Variants in MLYCD observed in about 807,000 individuals in gnomAD.
MLYCD encodes malonyl-CoA decarboxylase, also known as malonyl-CoA decarboxylase, mitochondrial.
In MLYCD, 27 loss-of-function variants were observed where a neutral mutation model predicts 35.8. That is an observed-to-expected ratio of 0.75 (90% confidence interval 0.56 to 1.04). The LOEUF is 1.04. Ranked by LOEUF, MLYCD falls within the 50% of genes least tolerant of loss-of-function variation. The probability of loss-of-function intolerance (pLI) is 0.00; values close to 1 mark genes in which losing one functional copy is unlikely to be tolerated. For synonymous variants in MLYCD, 403 were observed against 302.4 expected, an observed-to-expected ratio of 1.33 and a Z score of -3.45; for missense variants, 917 against 665.1, an observed-to-expected ratio of 1.38 and a Z score of -4.17.
chr16:83,906,172 T>G (rs1477424952), intron 1 of MLYCD, among the ~76,000 whole-genome samples: 1 of 152,114 alleles, frequency 6.6e-6, no homozygotes, highest in African/African-American at 2.4e-5. Context: ...AGATTGCCTG[T>G]GCTCAGGAGC....
At chr16:83,905,676 C>G (rs1252750014) in intron 1 of MLYCD, among the ~76,000 whole-genome samples, 4 of 152,240 alleles carry the variant, frequency 2.6e-5, no homozygotes, top group Admixed American at 2.6e-4. Context: ...GCTGTCTTTT[C>G]AAGTTCCCCA....
At chr16:83,904,437 T>C (rs1002042320) in intron 1 of MLYCD, among the ~76,000 whole-genome samples, 4 of 152,204 alleles carry the variant, frequency 2.6e-5, no homozygotes, top group Admixed American at 6.5e-5. Flanking sequence ...AGAATTGCTA[T>C]AGTCAAATGC....
At position 83,912,359 on chromosome 16, in the gene MLYCD, G is replaced by A. The variant is rs1421045311; in HGVS notation, c.940G>A (p.Glu314Lys). 2 of 1,614,052 alleles carry A rather than the reference G, an allele frequency of 1.2e-6. No individual in the cohort carries two copies. Among genetic ancestry groups the A allele is most frequent in the East Asian group, 2.2e-5 (1 of 44,886 alleles). ...GTFLIKRVVK[E>K]LQREFPHLGV... ...ATTCCTCATAAAGCGAGTCGTCAAG[G>A]AGTTGCAGGTAAGCGACACGCAGGG... The change falls in exon 4 of 5, where the codon GAG (glutamate) becomes AAG (lysine). Residue 314 changes from glutamate (E) to lysine (K), a missense_variant. By Grantham distance (56) the Glu-to-Lys change is moderately conservative. Coordinates refer to ENST00000262430, the MANE Select transcript of MLYCD (RefSeq NM_012213.3).
intron 1 of MLYCD, among the ~76,000 whole-genome samples, chr16:83,905,269 G>A (rs1313401939): frequency 6.6e-6 from 1 of 152,012 alleles, no homozygotes; most frequent in African/African-American, 2.4e-5. Context: ...ATTCTTATAG[G>A]TGTTGCCCAT....
chr16:83,900,283 G>T (rs1293275930), intron 1 of MLYCD, among the ~76,000 whole-genome samples: 2 of 152,092 alleles, frequency 1.3e-5, no homozygotes, highest in Admixed American at 6.5e-5. Context: ...GTTGACTTGA[G>T]GTAATCAGGC....
intron 3 of MLYCD, among the ~76,000 whole-genome samples, chr16:83,910,228 C>T (rs1275884801): frequency 2.7e-5 from 4 of 147,184 alleles, no homozygotes; most frequent in East Asian, 4.0e-4. Flanking sequence ...TTTTTTGCCT[C>T]TTTTTGTTTT....
intron 3 of MLYCD, among the ~76,000 whole-genome samples, chr16:83,909,163 C>G (rs1263669587): frequency 6.6e-6 from 1 of 152,178 alleles, no homozygotes. Flanking sequence ...TCTGACTTCT[C>G]TGAGGGCAAT....
chr16:83,915,016 TGGCTTCTGG>T lies in MLYCD; in HGVS notation c.1018_1026del (p.Gly340_Leu342del), dbSNP rs1287986283. On this transcript the variant is annotated inframe_deletion, in exon 5 of 5. Transcript: ENST00000262430. ...GTCACCTATACCTGGTTTCACCAAA[TGGCTTCTGG>T]GGCTTCTGAACTCGCAAACGAAGGA... 1 of 1,614,118 alleles carries T rather than the reference TGGCTTCTGG, an allele frequency of 6.2e-7. No individual in the cohort carries two copies. The highest frequency in any genetic ancestry group is 1.7e-5 in the Admixed American group (1 of 60,010).
intron 4 of MLYCD, 113 bp from the exon 5 acceptor site, chr16:83,914,843 C>A: frequency 2.1e-6 from 3 of 1,445,890 alleles, no homozygotes; most frequent in Non-Finnish European, 2.9e-6. Flanking sequence ...GTCACTCTGA[C>A]CGCTACACAG....
rs1309852448 is a variant in MLYCD, at chr16:83,899,254, A to G, written c.110A>G (p.Glu37Gly). ...LASGQAAGAL[E>G]RAMDELLRRA... ...AGCGGGCAGGCGGCCGGCGCCCTGG[A>G]GCGGGCCATGGACGAGCTGCTGCGC... Residue 37 changes from glutamate to glycine, a missense_variant, in exon 1 of 5, where the codon GAG (glutamate) becomes GGG (glycine). Glu to Gly is a moderately conservative substitution (Grantham distance 98). Transcript: ENST00000262430. 7 of 1,332,442 alleles carry G rather than the reference A, an allele frequency of 5.3e-6. No homozygotes were observed. Among genetic ancestry groups the G allele is most frequent in the African/African-American group, 1.5e-5 (1 of 65,206 alleles). The allele number at this position is 1,332,442 out of a possible 1,614,324, so 82.5% of individuals were successfully genotyped here.
chr16:83,926,037 T>C lies in MLYCD; in HGVS notation c.*10548T>C, dbSNP rs1251719874. On this transcript the variant is annotated 3_prime_UTR_variant, in exon 5 of 5. Coordinates refer to ENST00000262430, the MANE Select transcript of MLYCD (RefSeq NM_012213.3). ...GCAAGATCATCAGGGCCCCCTCCAATGTGACACTTGCAGAGGGGACCCCTG... is the reference window on the plus strand; with the variant it reads ...GCAAGATCATCAGGGCCCCCTCCAACGTGACACTTGCAGAGGGGACCCCTG... The C allele has an allele frequency of 1.3e-5, 2 of 152,280 alleles. No homozygotes were observed. The highest frequency in any genetic ancestry group is 2.4e-5 in the African/African-American group (1 of 41,462). The allele number at this position is 152,280 out of a possible 1,614,324, so 9.4% of individuals were successfully genotyped here. A position where few individuals can be genotyped will look rare whatever the true frequency, so the allele number is the denominator to read the frequency against.
Position 83,916,982 on chromosome 16 carries a change from GCC to G in MLYCD, c.*1494_*1495del, listed in dbSNP as rs1907428301. The G allele has an allele frequency of 1.6e-5, 2 of 124,548 alleles. No individual in the cohort carries two copies. The highest frequency in any genetic ancestry group is 8.5e-5 in the Admixed American group (1 of 11,810). The allele number at this position is 124,548 out of a possible 1,614,324, so 7.7% of individuals were successfully genotyped here. On this transcript the variant is annotated 3_prime_UTR_variant, in exon 5 of 5. Coordinates refer to ENST00000262430, the MANE Select transcript of MLYCD (RefSeq NM_012213.3). ...GAGCGTTCTATGTGGATCAGTGCAC[GCC>G]TGTGTGCGTGTGCACGAGCGTCTCT...
chr16:83,903,879 G>T (rs1906882788), intron 1 of MLYCD, among the ~76,000 whole-genome samples: 1 of 152,170 alleles, frequency 6.6e-6, no homozygotes, highest in Admixed American at 6.5e-5. Context: ...GGTGATAAAT[G>T]GTGCCTGAAT....
intron 3 of MLYCD, chr16:83,911,864 G>T (rs4640171): frequency 3.0e-6 from 1 of 328,806 alleles, no homozygotes. Flanking sequence ...TCAAGGATCC[G>T]TGTGTTATCG....
At position 83,899,248 on chromosome 16, in the gene MLYCD, C is replaced by T. The variant is rs1376979390; in HGVS notation, c.104C>T (p.Ala35Val). ...PRLASGQAAG[A>V]LERAMDELLR... ...CTGGCGAGCGGGCAGGCGGCCGGCG[C>T]CCTGGAGCGGGCCATGGACGAGCTG... The change falls in exon 1 of 5, where the codon GCC (alanine) becomes GTC (valine). Residue 35 changes from alanine to valine, a missense_variant. Transcript: ENST00000262430. 4 of 1,308,954 alleles carry T rather than the reference C, an allele frequency of 3.1e-6. No individual in the cohort carries two copies. Among genetic ancestry groups the T allele is most frequent in the Non-Finnish European group, 9.7e-7 (1 of 1,032,244 alleles). The allele number at this position is 1,308,954 out of a possible 1,614,324, so 81.1% of individuals were successfully genotyped here.
rs1223264929 is a variant in MLYCD at position 83,926,807 on chromosome 16, T to G, written c.*11318T>G. On this transcript the variant is annotated 3_prime_UTR_variant, in exon 5 of 5. Coordinates refer to ENST00000262430, the MANE Select transcript of MLYCD (RefSeq NM_012213.3). ...GACAGATGGATCCCAGTCTGGGTCC[T>G]CGCAAGCGCTGTGCACCCCGTCGCC... is the stretch of plus-strand genomic sequence containing the variant. 2 of 152,332 alleles carry G rather than the reference T, an allele frequency of 1.3e-5. No individual in the cohort carries two copies. The highest frequency in any genetic ancestry group is 3.9e-4 in the East Asian group (2 of 5,150). 9.4% of individuals were successfully genotyped at this position (152,332 alleles called of 1,614,324 possible).
chr16:83,899,734 A>C lies in MLYCD; in HGVS notation c.528+62A>C. On this transcript the variant is annotated intron_variant, in intron 1 of 4. Coordinates refer to ENST00000262430, the MANE Select transcript of MLYCD (RefSeq NM_012213.3). ...TGGCCGCCCTCCTCGAGTAGTCCTC[A>C]CTTGCCCCCTCCAAGTCCCACACAC... The C allele has an allele frequency of 2.1e-6, 3 of 1,446,918 alleles. No homozygotes were observed. The South Asian group carries it at 4.1e-5, about 20-fold the overall frequency. The allele number at this position is 1,446,918 out of a possible 1,614,324, so 89.6% of individuals were successfully genotyped here. A position where few individuals can be genotyped will look rare whatever the true frequency, so the allele number is the denominator to read the frequency against.
Position 83,916,254 on chromosome 16 carries a change from A to T in MLYCD, c.*765A>T, listed in dbSNP as rs1021585636. 1.0e-6 allele frequency: 1 copy of T among 974,928 alleles called. No individual in the cohort carries two copies. Among genetic ancestry groups the T allele is most frequent in the African/African-American group, 1.8e-5 (1 of 56,986 alleles). 60.4% of individuals were successfully genotyped at this position (974,928 alleles called of 1,614,324 possible). A position where few individuals can be genotyped will look rare whatever the true frequency, so the allele number is the denominator to read the frequency against. On this transcript the variant is annotated 3_prime_UTR_variant, in exon 5 of 5. Transcript: ENST00000262430. ...AAGGCTGGAATCAGCCAGCCAGCCT[A>T]CGGGGAGTTTGGGATGAAGGAGCCT...
intron 3 of MLYCD, among the ~76,000 whole-genome samples, chr16:83,910,905 G>A (rs910271391): frequency 2.0e-5 from 3 of 152,168 alleles, no homozygotes; most frequent in Non-Finnish European, 4.4e-5. Flanking sequence ...TAAGAATCTG[G>A]AGGGAAAAAT....
Sources: allele counts gnomAD v4.1 joint callset (sites outside exome capture counted in the v4.1 genomes callset), GRCh38; gene constraint gnomAD v4.1.1; transcripts MANE v1.5; gene names NCBI Gene and HGNC (gene_info 2026-07-23, HGNC 2026-07-21).